The following UBE2R2 variants were observed in gnomAD, a reference collection of about 807,000 sequenced individuals.
UBE2R2 encodes the protein ubiquitin-conjugating enzyme E2 R2.
In UBE2R2, 1 loss-of-function variant was observed where a neutral mutation model predicts 27.8. That is an observed-to-expected ratio of 0.04 (90% CI 0.01 to 0.17). The LOEUF (loss-of-function observed/expected upper bound fraction) is 0.17. UBE2R2 is among the 10% of genes least tolerant of loss of function. The pLI, the probability that UBE2R2 is intolerant of heterozygous loss-of-function variation, is 1.00. For missense variants in UBE2R2, 100 were observed against 291.0 expected (o/e 0.34, Z 4.78); for synonymous variants, 106 against 113.3 (o/e 0.94, Z 0.41).
intron 1 of UBE2R2, among the ~76,000 whole-genome samples, chr9:33,862,886 T>G (rs1821273106): frequency 6.6e-6 from 1 of 152,142 alleles, no homozygotes; most frequent in Non-Finnish European, 1.5e-5. Context: ...TCTTTAAGGT[T>G]TTTAATCTTT....
At chr9:33,818,027 A>C in intron 1 of UBE2R2, 93 bp downstream of exon 1, 1 of 1,433,946 alleles carries the variant, frequency 7.0e-7, no homozygotes, top group Non-Finnish European at 9.4e-7. Flanking sequence ...GAGTATGAGC[A>C]CGGGCGAGTG....
intron 1 of UBE2R2, among the ~76,000 whole-genome samples, chr9:33,864,954 C>T (rs1283288096): frequency 2.6e-5 from 4 of 151,856 alleles, no homozygotes; most frequent in African/African-American, 4.8e-5. Context: ...GAACTCCTGA[C>T]CTCAGGTGAT....
intron 1 of UBE2R2, among the ~76,000 whole-genome samples, chr9:33,838,433 C>T (rs910530140): frequency 8.6e-5 from 13 of 151,534 alleles, no homozygotes; most frequent in Admixed American, 5.9e-4. Context: ...GGACTGTTTT[C>T]TTCACGTTGA....
intron 1 of UBE2R2, among the ~76,000 whole-genome samples, chr9:33,842,835 G>A (rs2130741706): frequency 6.6e-6 from 1 of 152,022 alleles, no homozygotes; most frequent in Admixed American, 6.6e-5. Context: ...TTTGTACTTG[G>A]CTGAAGGTCT....
chr9:33,829,800 T>G (rs936643414), intron 1 of UBE2R2, among the ~76,000 whole-genome samples: 6 of 150,350 alleles, frequency 4.0e-5, no homozygotes, highest in South Asian at 2.1e-4. Context: ...ATCGTTTTTT[T>G]TTTTTTTTTT....
At chr9:33,883,740 AAAG>A (rs1405175313) in intron 1 of UBE2R2, among the ~76,000 whole-genome samples, 1 of 151,816 alleles carries the variant, frequency 6.6e-6, no homozygotes, top group Non-Finnish European at 1.5e-5. Context: ...AAGAAATAAA[AAAG>A]AATAAGGTCA....
chr9:33,865,835 G>GTTTTTTTTTTTTTT (rs1266518240), intron 1 of UBE2R2, among the ~76,000 whole-genome samples: 1 of 137,022 alleles, frequency 7.3e-6, no homozygotes, highest in Non-Finnish European at 1.6e-5. Context: ...GTTTTTTTTT[G>GTTTTTTTTTTTTTT]TTTTTTTTTT....
intron 3 of UBE2R2, among the ~76,000 whole-genome samples, chr9:33,906,685 A>G (rs1347830388): frequency 6.6e-6 from 1 of 152,186 alleles, no homozygotes; most frequent in African/African-American, 2.4e-5. Context: ...CATGTTGAAA[A>G]TGGGCAAATG....
chr9:33,874,758 G>A (rs1821566638), intron 1 of UBE2R2, among the ~76,000 whole-genome samples: 1 of 152,048 alleles, frequency 6.6e-6, no homozygotes, highest in Admixed American at 6.6e-5. Flanking sequence ...TGCAGCCTGG[G>A]TTCAAGCAAT....
intron 1 of UBE2R2, among the ~76,000 whole-genome samples, chr9:33,878,046 T>A (rs1343633779): frequency 1.3e-5 from 2 of 152,152 alleles, no homozygotes; most frequent in African/African-American, 4.8e-5. Flanking sequence ...CGTGAGCCAC[T>A]GCACCCATCC....
upstream of UBE2R2, among the ~76,000 whole-genome samples, chr9:33,815,202 C>T (rs1337203290): frequency 6.6e-6 from 1 of 152,148 alleles, no homozygotes; most frequent in Non-Finnish European, 1.5e-5. Flanking sequence ...AAGAAACTGC[C>T]ACAGTCAAGA....
chr9:33,874,010 C>T (rs1821548605), intron 1 of UBE2R2, among the ~76,000 whole-genome samples: 2 of 150,406 alleles, frequency 1.3e-5, no homozygotes, highest in South Asian at 2.1e-4. Context: ...TGCAGTGGCA[C>T]GATCTCCGCT....
At chr9:33,889,686 C>A (rs1253007912) in intron 2 of UBE2R2, among the ~76,000 whole-genome samples, 1 of 152,146 alleles carries the variant, frequency 6.6e-6, no homozygotes, top group Non-Finnish European at 1.5e-5. Flanking sequence ...CAATTGAGAG[C>A]TAATTACTTT....
intron 1 of UBE2R2, among the ~76,000 whole-genome samples, chr9:33,819,714 C>G (rs1825932352): frequency 6.6e-6 from 1 of 152,080 alleles, no homozygotes; most frequent in South Asian, 2.1e-4. Context: ...TCTCGCCTCA[C>G]TGCAACCTCC....
intron 1 of UBE2R2, among the ~76,000 whole-genome samples, chr9:33,868,217 C>A (rs1019643983): frequency 6.6e-6 from 1 of 152,112 alleles, no homozygotes; most frequent in African/African-American, 2.4e-5. Context: ...CCTTGACACT[C>A]AGCCGCTTGT....
intron 1 of UBE2R2, among the ~76,000 whole-genome samples, chr9:33,881,133 A>T (rs1374633314): frequency 1.3e-5 from 2 of 152,152 alleles, no homozygotes; most frequent in African/African-American, 2.4e-5. Context: ...CACAGTTAAT[A>T]TTATGTCTTC....
At chr9:33,844,622 G>A (rs1180757367) in intron 1 of UBE2R2, among the ~76,000 whole-genome samples, 1 of 148,288 alleles carries the variant, frequency 6.7e-6, no homozygotes, top group African/African-American at 2.5e-5. Context: ...AAATATTCTT[G>A]GTGGTGTTGT....
intron 1 of UBE2R2, among the ~76,000 whole-genome samples, chr9:33,865,386 C>T (rs936467634): frequency 4.6e-5 from 7 of 151,222 alleles, no homozygotes; most frequent in Non-Finnish European, 8.8e-5. Flanking sequence ...TTAGTAGAGA[C>T]GGGGTTTCAC....
At chr9:33,834,270 G>A (rs1166737682) in intron 1 of UBE2R2, among the ~76,000 whole-genome samples, 14 of 148,878 alleles carry the variant, frequency 9.4e-5, no homozygotes, top group Non-Finnish European at 1.0e-4. Flanking sequence ...GCTCAGTCTC[G>A]GCTCACTGCA....
Sources: allele counts gnomAD v4.1 joint callset (sites outside exome capture counted in the v4.1 genomes callset), GRCh38; gene constraint gnomAD v4.1.1; transcripts MANE v1.5; gene names NCBI Gene and HGNC (gene_info 2026-07-23, HGNC 2026-07-21).